PRKG1: variants seen among roughly 807,000 people sequenced by gnomAD.
PRKG1 encodes the protein cGMP-dependent protein kinase 1.
In PRKG1, 35 loss-of-function variants were observed where a neutral mutation model predicts 88.1. That is an observed-to-expected ratio of 0.40 (90% confidence interval 0.30 to 0.53). PRKG1 has a LOEUF of 0.53. Among genes scored for constraint, PRKG1 ranks in the 20% least tolerant of loss-of-function variants. The pLI, the probability that PRKG1 is intolerant of heterozygous loss-of-function variation, is 0.59. For missense variants in PRKG1, 540 were observed against 839.8 expected (o/e 0.64, Z 4.41); for synonymous variants, 303 against 292.5 (o/e 1.04, Z -0.37).
At chr10:51,181,434 G>C (rs1837344097) in intron 2 of PRKG1, among the ~76,000 whole-genome samples, 1 of 150,070 alleles carries the variant, frequency 6.7e-6, no homozygotes, top group Non-Finnish European at 1.5e-5. Context: ...GTAGAGACGG[G>C]GTTTCACCTT....
At chr10:51,315,352 TA>T (rs1399768876) in intron 2 of PRKG1, among the ~76,000 whole-genome samples, 1 of 152,192 alleles carries the variant, frequency 6.6e-6, no homozygotes, top group East Asian at 1.9e-4. Context: ...CGGGTGCAAA[TA>T]AGCAAATATA....
At chr10:51,609,091 T>A (rs931024147) in intron 3 of PRKG1, among the ~76,000 whole-genome samples, 30 of 152,088 alleles carry the variant, frequency 2.0e-4, no homozygotes, top group African/African-American at 7.0e-4. Context: ...TTCTTTAATT[T>A]ATTTATTATT....
intron 2 of PRKG1, chr10:51,306,838 C>T (rs1841051474): frequency 6.6e-6 from 1 of 152,170 alleles, no homozygotes; most frequent in Non-Finnish European, 1.5e-5. Context: ...CTCAAAACTC[C>T]TCTAAGGAAG....
intron 3 of PRKG1, among the ~76,000 whole-genome samples, chr10:51,702,481 T>G (rs545351126): frequency 2.0e-5 from 3 of 152,344 alleles, no homozygotes; most frequent in African/African-American, 7.2e-5. Context: ...ACTGCTTTTT[T>G]ATTCCCATAA....
rs1304357471 is a variant in PRKG1, at chr10:51,681,062, G to A, written c.593-123523G>A. 9.9e-5 allele frequency among the ~76,000 whole-genome samples: 15 copies of A among 152,242 alleles called. No individual in the cohort carries two copies. In the East Asian group the frequency reaches 2.9e-3, roughly 29 times the overall value. On this transcript the variant is annotated intron_variant, in intron 3 of 17. Transcript: ENST00000373980. ...ATGCTACAAATCAGTGATGACATTA[G>A]TTAGTTGATCCATTTATGGTTTTGA...
At chr10:51,852,213 G>GTATATATATATATATATATATATATA (rs10650535) in intron 4 of PRKG1, among the ~76,000 whole-genome samples, 31 of 143,268 alleles carry the variant, frequency 2.2e-4, no homozygotes, top group African/African-American at 7.1e-4. Flanking sequence ...TTTTATATGT[G>GTATATATATATATATATATATATATA]TATATATATA....
intron 1 of PRKG1, among the ~76,000 whole-genome samples, chr10:51,027,992 T>A (rs1047954049): frequency 6.6e-6 from 1 of 152,172 alleles, no homozygotes; most frequent in Non-Finnish European, 1.5e-5. Flanking sequence ...AGACAAGGCA[T>A]TTATCATAGA....
intron 9 of PRKG1, among the ~76,000 whole-genome samples, chr10:52,217,399 T>A (rs1188447722): frequency 1.3e-5 from 2 of 152,060 alleles, no homozygotes; most frequent in African/African-American, 4.8e-5. Context: ...TATATATGTA[T>A]AAGTAGAGTT....
At chr10:51,953,678 A>G (rs1004346389) in intron 5 of PRKG1, among the ~76,000 whole-genome samples, 2 of 151,950 alleles carry the variant, frequency 1.3e-5, no homozygotes, top group Non-Finnish European at 2.9e-5. Context: ...TGAATGTTAA[A>G]TGAACATTCT....
At chr10:51,674,073 C>T (rs191026965) in intron 3 of PRKG1, among the ~76,000 whole-genome samples, 1 of 152,286 alleles carries the variant, frequency 6.6e-6, no homozygotes. Context: ...TCTCTTTCTA[C>T]TTAGTTCAAC....
chr10:51,272,046 G>C (rs559038546), intron 2 of PRKG1, among the ~76,000 whole-genome samples: 46 of 152,058 alleles, frequency 3.0e-4, no homozygotes, highest in Non-Finnish European at 5.6e-4. Flanking sequence ...AGTGTAAAAG[G>C]GTTCCTATTT....
At chr10:51,029,651 G>A (rs878931272) in intron 1 of PRKG1, among the ~76,000 whole-genome samples, 1 of 152,144 alleles carries the variant, frequency 6.6e-6, no homozygotes, top group South Asian at 2.1e-4. Flanking sequence ...ACTCTGACAT[G>A]AGCAAGTTGT....
chr10:51,984,632 T>C (rs915958122), intron 5 of PRKG1, among the ~76,000 whole-genome samples: 5 of 152,104 alleles, frequency 3.3e-5, no homozygotes, highest in African/African-American at 1.2e-4. Flanking sequence ...TAATACATAA[T>C]ATTGTTTATA....
intron 1 of PRKG1, among the ~76,000 whole-genome samples, chr10:51,038,919 G>A (rs1843386256): frequency 6.6e-6 from 1 of 152,148 alleles, no homozygotes; most frequent in African/African-American, 2.4e-5. Context: ...TTTTTTTAAA[G>A]TTTGCACAAT....
chr10:52,296,572 C>T lies in PRKG1; in HGVS notation c.*2672C>T, dbSNP rs1191845092. 1.3e-5 allele frequency: 2 copies of T among 151,890 alleles called. No homozygotes were observed. Among genetic ancestry groups the T allele is most frequent in the South Asian group, 2.1e-4 (1 of 4,824 alleles). The allele number at this position is 151,890 out of a possible 1,614,324, so 9.4% of individuals were successfully genotyped here. Reference sequence around the variant, plus strand: ...ACTTTATTTCTGAATTTTTCACAACCCCTCTATTTTCTTACATTAAAGAAC... The same window carrying T: ...ACTTTATTTCTGAATTTTTCACAACTCCTCTATTTTCTTACATTAAAGAAC... On this transcript the variant is annotated 3_prime_UTR_variant, in exon 18 of 18. Coordinates refer to ENST00000373980, the MANE Select transcript of PRKG1 (RefSeq NM_006258.4).
intron 1 of PRKG1, among the ~76,000 whole-genome samples, chr10:51,134,910 C>A (rs1003871659): frequency 1.3e-5 from 2 of 152,032 alleles, no homozygotes; most frequent in African/African-American, 4.8e-5. Context: ...ATATACAGCC[C>A]AGAGACTCCT....
intron 5 of PRKG1, among the ~76,000 whole-genome samples, chr10:52,049,500 T>C (rs955547724): frequency 1.3e-5 from 2 of 152,134 alleles, no homozygotes; most frequent in African/African-American, 4.8e-5. Context: ...TAAGAAGCCA[T>C]TGAAAGTTTT....
At chr10:51,791,286 C>T (rs1185085661) in intron 3 of PRKG1, among the ~76,000 whole-genome samples, 1 of 152,114 alleles carries the variant, frequency 6.6e-6, no homozygotes, top group Admixed American at 6.6e-5. Context: ...TATCTTCATA[C>T]CACCAGTTCC....
intron 2 of PRKG1, among the ~76,000 whole-genome samples, chr10:51,235,768 T>C (rs1589267174): frequency 6.6e-6 from 1 of 152,180 alleles, no homozygotes; most frequent in East Asian, 1.9e-4. Context: ...TGAAAATTGG[T>C]TAAATTATAT....
Sources: gnomAD v4.1 joint callset for allele counts (sites outside exome capture counted in the v4.1 genomes callset) on GRCh38, gnomAD v4.1.1 for gene constraint, MANE v1.5 for transcripts, NCBI Gene and HGNC (gene_info 2026-07-23, HGNC 2026-07-21) for gene names.